Variants in STXBP6 observed in about 807,000 individuals in gnomAD.
STXBP6 encodes the protein syntaxin binding protein 6.
A neutral mutation model predicts 26.9 loss-of-function variants in STXBP6; 21 were observed. That is an observed-to-expected ratio of 0.78 (90% CI 0.55 to 1.12). The LOEUF is 1.12. Among genes scored for constraint, STXBP6 ranks in the 50% most tolerant of loss-of-function variants. The pLI is 0.00. For synonymous variants in STXBP6, 97 were observed against 92.6 expected (o/e 1.05, Z -0.27); for missense variants, 232 against 257.9 (o/e 0.90, Z 0.69).
intron 2 of STXBP6, among the ~76,000 whole-genome samples, chr14:24,878,428 G>C (rs1274353224): frequency 1.3e-5 from 2 of 151,904 alleles, no homozygotes; most frequent in Non-Finnish European, 2.9e-5. Flanking sequence ...TTGTGATTTA[G>C]TTATTCTAAC....
chr14:24,856,203 G>T, intron 3 of STXBP6, 102 bp from the exon 4 acceptor site: 1 of 1,185,154 alleles, frequency 8.4e-7, no homozygotes, highest in Non-Finnish European at 1.1e-6. Context: ...CAAAGACTTT[G>T]ATCGCAATCA....
At chr14:25,003,077 T>C (rs544028330) in intron 1 of STXBP6, among the ~76,000 whole-genome samples, 2 of 152,322 alleles carry the variant, frequency 1.3e-5, no homozygotes, top group African/African-American at 4.8e-5. Flanking sequence ...GATGTGAAGA[T>C]GATCTGCTTC....
intron 2 of STXBP6, among the ~76,000 whole-genome samples, chr14:24,923,204 CATA>C (rs1438637978): frequency 3.9e-5 from 6 of 152,108 alleles, no homozygotes; most frequent in Non-Finnish European, 1.5e-5. Context: ...TCCTACACAA[CATA>C]ACAATTTTTG....
intron 2 of STXBP6, among the ~76,000 whole-genome samples, chr14:24,942,971 G>A (rs2072856325): frequency 1.3e-5 from 2 of 152,176 alleles, no homozygotes; most frequent in South Asian, 4.1e-4. Context: ...TGAAAATTCA[G>A]TTTCACCTTT....
intron 1 of STXBP6, among the ~76,000 whole-genome samples, chr14:24,991,947 G>T (rs1156309484): frequency 6.6e-6 from 1 of 152,098 alleles, no homozygotes. Flanking sequence ...CTCCTAATAC[G>T]ACCATTCTCC....
intron 2 of STXBP6, among the ~76,000 whole-genome samples, chr14:24,951,492 T>TC (rs2073169374): frequency 1.3e-5 from 2 of 152,222 alleles, no homozygotes; most frequent in Admixed American, 1.3e-4. Context: ...GAGCTTTTTT[T>TC]CATGTTTGTT....
chr14:24,964,308 G>T (rs1423789913), intron 2 of STXBP6, among the ~76,000 whole-genome samples: 1 of 152,142 alleles, frequency 6.6e-6, no homozygotes, highest in African/African-American at 2.4e-5. Context: ...AGGCCAGAGG[G>T]GGCACATGCT....
In STXBP6 at chr14:24,945,302, C is replaced by T. The variant is rs548715764; in HGVS notation, c.154+29363G>A. ...CTTTGGACCACACCAAAAAACACTA[C>T]ACACGGTGGCTCACACCTGTAATCC... On this transcript the variant is annotated intron_variant, in intron 2 of 5. Transcript: ENST00000323944. Among the ~76,000 whole-genome samples the T allele has an allele frequency of 3.9e-5, 6 of 151,968 alleles. No individual in the cohort carries two copies. In the South Asian group the frequency reaches 1.3e-3, roughly 32 times the overall value.
intron 2 of STXBP6, among the ~76,000 whole-genome samples, chr14:24,912,495 TTAAAATCTTCTA>T (rs2071611098): frequency 6.6e-6 from 1 of 151,786 alleles, no homozygotes; most frequent in South Asian, 2.1e-4. Context: ...CAAATAATTG[TTAAAATCTTCTA>T]TAACAATTTA....
intron 2 of STXBP6, among the ~76,000 whole-genome samples, chr14:24,950,502 G>A (rs1006731062): frequency 1.3e-5 from 2 of 152,064 alleles, no homozygotes; most frequent in Non-Finnish European, 2.9e-5. Context: ...CAATGAGAAT[G>A]ACAAACTATA....
At chr14:25,028,305 G>A (rs1258747772) in intron 1 of STXBP6, among the ~76,000 whole-genome samples, 7 of 152,186 alleles carry the variant, frequency 4.6e-5, no homozygotes, top group African/African-American at 1.7e-4. Flanking sequence ...TGACTTTCTT[G>A]TTAGAGGCTA....
At chr14:24,983,332 T>C (rs530112515) in intron 1 of STXBP6, among the ~76,000 whole-genome samples, 1 of 152,316 alleles carries the variant, frequency 6.6e-6, no homozygotes, top group East Asian at 1.9e-4. Context: ...GAAAACAATA[T>C]GTTGACTTGA....
At chr14:24,813,697 C>G (rs755411272) in intron 5 of STXBP6, among the ~76,000 whole-genome samples, 1 of 152,204 alleles carries the variant, frequency 6.6e-6, no homozygotes, top group East Asian at 1.9e-4. Context: ...GCATCCTGAC[C>G]AGGCTCTCTG....
intron 1 of STXBP6, among the ~76,000 whole-genome samples, chr14:25,017,116 G>A (rs1032480380): frequency 7.9e-5 from 12 of 152,260 alleles, no homozygotes; most frequent in South Asian, 2.1e-4. Flanking sequence ...AAGCACAAGC[G>A]TGTGTAATAA....
chr14:25,002,198 G>T (rs74037431), intron 1 of STXBP6, among the ~76,000 whole-genome samples: 3,434 of 152,044 alleles, frequency 0.023, 123 homozygotes, highest in African/African-American at 0.076. Flanking sequence ...AATACTTTCA[G>T]GATACTATAA....
intron 4 of STXBP6, among the ~76,000 whole-genome samples, chr14:24,822,405 G>A (rs1460976606): frequency 2.0e-5 from 3 of 152,072 alleles, no homozygotes; most frequent in Middle Eastern, 3.2e-3. Flanking sequence ...TAAAATTGCT[G>A]GTTCAAAGCA....
At chr14:24,926,201 G>A (rs1318813180) in intron 2 of STXBP6, among the ~76,000 whole-genome samples, 2 of 152,022 alleles carry the variant, frequency 1.3e-5, no homozygotes, top group Non-Finnish European at 2.9e-5. Context: ...AAGCAGACTA[G>A]CAAAGCCCTG....
At chr14:24,986,329 GCA>G (rs1205815755) in intron 1 of STXBP6, among the ~76,000 whole-genome samples, 1 of 152,176 alleles carries the variant, frequency 6.6e-6, no homozygotes, top group African/African-American at 2.4e-5. Context: ...AGTCCAAGAA[GCA>G]CAGACTAACT....
At chr14:24,851,568 T>C (rs953669594) in intron 4 of STXBP6, among the ~76,000 whole-genome samples, 2 of 152,144 alleles carry the variant, frequency 1.3e-5, no homozygotes, top group Non-Finnish European at 2.9e-5. Context: ...GTCCCTCCTG[T>C]GGAGTCTAAT....
Sources: gnomAD v4.1 joint callset for allele counts (sites outside exome capture counted in the v4.1 genomes callset) on GRCh38, gnomAD v4.1.1 for gene constraint, MANE v1.5 for transcripts, NCBI Gene and HGNC (gene_info 2026-07-23, HGNC 2026-07-21) for gene names.